PARP9: variants seen among roughly 807,000 people sequenced by gnomAD.
PARP9 encodes the protein poly(ADP-ribose) polymerase family member 9.
PARP9 carries 48 observed loss-of-function variants against 68.8 expected under a neutral mutation model. The observed-to-expected ratio is 0.70, with a 90% CI of 0.55 to 0.89. The LOEUF is 0.89. PARP9 is among the 40% of genes least tolerant of loss of function. The pLI, the probability that PARP9 is intolerant of heterozygous loss-of-function variation, is 0.00. For missense variants in PARP9, 806 were observed against 969.3 expected (o/e 0.83, Z 2.24); for synonymous variants, 309 against 333.8 (o/e 0.93, Z 0.81).
At chr3:122,532,836 T>C (rs1320355076) in intron 10 of PARP9, 1 of 152,164 alleles carries the variant, frequency 6.6e-6, no homozygotes, top group East Asian at 1.9e-4. Flanking sequence ...GATAGAGGCA[T>C]GAAAGTAAAC....
chr3:122,531,548 G>A (rs1201194011), intron 10 of PARP9, among the ~76,000 whole-genome samples: 2 of 152,186 alleles, frequency 1.3e-5, no homozygotes, highest in Non-Finnish European at 2.9e-5. Flanking sequence ...ACGAGGTCAG[G>A]AGTTCGAGAC....
intron 2 of PARP9, among the ~76,000 whole-genome samples, chr3:122,558,734 A>G (rs1458724143): frequency 6.6e-6 from 1 of 152,128 alleles, no homozygotes; most frequent in Non-Finnish European, 1.5e-5. Context: ...TTTTCGAGAC[A>G]AGGTTTCACT....
At chr3:122,542,804 A>T in intron 7 of PARP9, among the ~76,000 whole-genome samples, 1 of 152,070 alleles carries the variant, frequency 6.6e-6, no homozygotes, top group East Asian at 1.9e-4. Flanking sequence ...ACTTTAGTAT[A>T]TGTGTTGGCA....
At chr3:122,553,413 T>A (rs2079376608) in intron 4 of PARP9, among the ~76,000 whole-genome samples, 1 of 152,232 alleles carries the variant, frequency 6.6e-6, no homozygotes, top group Non-Finnish European at 1.5e-5. Flanking sequence ...CAGGTATTTC[T>A]TCACTGATGT....
Position 122,540,458 on chromosome 3 carries a change from A to G in PARP9, c.1765+14T>C. 2 of 1,606,726 alleles carry G rather than the reference A, an allele frequency of 1.2e-6. No homozygotes were observed. Among genetic ancestry groups the G allele is most frequent in the Non-Finnish European group, 1.7e-6 (2 of 1,176,218 alleles). On this transcript the variant is annotated intron_variant, in intron 8 of 10. Coordinates refer to ENST00000682323, the MANE Select transcript of PARP9 (RefSeq NM_001146105.2). ...GGGAGAATTTACTTTCTAATTTGAT[A>G]GAAAGTTACTCACCTAACGAGCGCC...
chr3:122,536,109 C>T, intron 10 of PARP9, 59 bp downstream of exon 10: 1 of 1,612,652 alleles, frequency 6.2e-7, no homozygotes, highest in Non-Finnish European at 8.5e-7. Context: ...GAAGAATCTA[C>T]TGATGTCAGC....
intron 6 of PARP9, chr3:122,545,717 G>A: frequency 9.5e-6 from 5 of 526,262 alleles, no homozygotes; most frequent in South Asian, 8.5e-5. Flanking sequence ...ATCAAAATCT[G>A]GTATAAATAA....
chr3:122,536,903 T>C, intron 9 of PARP9, 31 bp downstream of exon 9: 2 of 1,586,470 alleles, frequency 1.3e-6, no homozygotes, highest in Non-Finnish European at 1.7e-6. Context: ...AACAACAAAA[T>C]GAGCCAAATC....
rs2077090489 is a variant in PARP9 at position 122,528,691 on chromosome 3, T to C, written c.2133A>G (p.Ala711=). Reference sequence around the variant, plus strand: ...CAGCAGAGATTTTCTTGGCCTTCTCTGCCAGGTTTTTGAGGTTCTTGGTGA... The same window carrying C: ...CAGCAGAGATTTTCTTGGCCTTCTCCGCCAGGTTTTTGAGGTTCTTGGTGA... ...IYFTKNLKNL[A]EKAKKISAAD... Residue 711 remains alanine, a synonymous_variant, in exon 11 of 11, where the codon GCA becomes GCG. Transcript: ENST00000682323. 6.2e-7 allele frequency: 1 copy of C among 1,613,844 alleles called. No individual in the cohort carries two copies. Among genetic ancestry groups the C allele is most frequent in the African/African-American group, 1.3e-5 (1 of 74,918 alleles).
intron 8 of PARP9, among the ~76,000 whole-genome samples, chr3:122,539,507 A>ATTTCTTTCTTTCTTTCTTTCTTTCTTTC (rs144389968): frequency 6.5e-4 from 87 of 133,230 alleles, no homozygotes; most frequent in African/African-American, 1.5e-3. Context: ...CCAAGATGGC[A>ATTTCTTTCTTTCTTTCTTTCTTTCTTTC]TTTCTTTCTT....
At chr3:122,538,658 CCACA>C (rs10577699) in intron 8 of PARP9, among the ~76,000 whole-genome samples, 4,652 of 144,792 alleles carry the variant, frequency 0.032, 137 homozygotes, top group African/African-American at 0.084. Context: ...TAAAGCAATG[CCACA>C]CACACACACA....
chr3:122,533,972 T>A, intron 10 of PARP9: 1 of 985,480 alleles, frequency 1.0e-6, no homozygotes, highest in Non-Finnish European at 1.2e-6. Context: ...CTCCTGGGCT[T>A]GTCTGGCACC....
In PARP9 at chr3:122,559,666, G is replaced by T. The variant is rs371535869; in HGVS notation, c.-46C>A. On this transcript the variant is annotated 5_prime_UTR_variant, in exon 2 of 11. Coordinates refer to ENST00000682323, the MANE Select transcript of PARP9 (RefSeq NM_001146105.2). ...TCTTTAAATGTTTATTCCCTTTTGC[G>T]CTTCAAAGCATAGACTGTAGTTTCC... The T allele has an allele frequency of 1.4e-4, 225 of 1,555,364 alleles. No homozygotes were observed. In the African/African-American group the frequency reaches 1.5e-3, roughly 10 times the overall value.
intron 10 of PARP9, 42 bp from the exon 11 acceptor site, chr3:122,528,785 G>T: frequency 6.8e-7 from 1 of 1,470,712 alleles, no homozygotes; most frequent in Non-Finnish European, 9.1e-7. Flanking sequence ...ATTATAATCT[G>T]GTAAATGATA....
chr3:122,553,017 C>T (rs949418982), intron 4 of PARP9, among the ~76,000 whole-genome samples: 10 of 151,892 alleles, frequency 6.6e-5, no homozygotes, highest in African/African-American at 2.2e-4. Flanking sequence ...GCTATTTCGT[C>T]GTGGGTTTTT....
At chr3:122,531,181 G>A (rs79047776) in intron 10 of PARP9, among the ~76,000 whole-genome samples, 9 of 152,162 alleles carry the variant, frequency 5.9e-5, no homozygotes, top group Admixed American at 2.0e-4. Flanking sequence ...TGTAGCTAGC[G>A]GCTACAATAT....
At chr3:122,529,407 A>T (rs2077142643) in intron 10 of PARP9, among the ~76,000 whole-genome samples, 1 of 152,076 alleles carries the variant, frequency 6.6e-6, no homozygotes, top group South Asian at 2.1e-4. Flanking sequence ...ATTATCAACT[A>T]AGTAGCTGAC....
upstream of PARP9, chr3:122,564,345 T>C: frequency 6.9e-7 from 1 of 1,457,782 alleles, no homozygotes; most frequent in Non-Finnish European, 9.2e-7. Flanking sequence ...ACTGAAACTT[T>C]GCGCCCAGTC....
chr3:122,564,611 C>T (rs1209616453), upstream of PARP9: 3 of 1,589,642 alleles, frequency 1.9e-6, no homozygotes, highest in Admixed American at 3.6e-5. Context: ...AGTGAAAGGG[C>T]AGGTGAGCTT....
Sources: gnomAD v4.1 joint callset for allele counts (sites outside exome capture counted in the v4.1 genomes callset) on GRCh38, gnomAD v4.1.1 for gene constraint, MANE v1.5 for transcripts, NCBI Gene and HGNC (gene_info 2026-07-23, HGNC 2026-07-21) for gene names.